Variants in LRFN5 observed in about 807,000 individuals in gnomAD.
The protein encoded by LRFN5 is leucine rich repeat and fibronectin type III domain containing 5, also known as leucine-rich repeat and fibronectin type-III domain-containing protein 5.
In LRFN5, 24 loss-of-function variants were observed where a neutral mutation model predicts 45.6. The observed-to-expected ratio is 0.53, with a 90% CI of 0.38 to 0.74. The LOEUF (loss-of-function observed/expected upper bound fraction) is 0.74, where lower values mean the gene tolerates loss of function less well. Ranked by LOEUF, LRFN5 falls within the 30% of genes least tolerant of loss-of-function variation. The pLI is 0.00. For missense variants in LRFN5, 776 were observed against 861.5 expected (o/e 0.90, Z 1.24); for synonymous variants, 340 against 313.8 (o/e 1.08, Z -0.88).
At chr14:41,663,850 CAT>C (rs1488980573) in intron 1 of LRFN5, among the ~76,000 whole-genome samples, 1 of 151,840 alleles carries the variant, frequency 6.6e-6, no homozygotes, top group African/African-American at 2.4e-5. Context: ...AAGATGAACT[CAT>C]ATAAAAATGA....
At chr14:41,896,463 A>G (rs972982486) in intron 4 of LRFN5, among the ~76,000 whole-genome samples, 1 of 152,166 alleles carries the variant, frequency 6.6e-6, no homozygotes. Flanking sequence ...ACTTCTGCAC[A>G]GAGGTGGATT....
At chr14:41,884,906 A>G (rs1313713459) in intron 2 of LRFN5, among the ~76,000 whole-genome samples, 1 of 152,216 alleles carries the variant, frequency 6.6e-6, no homozygotes, top group Non-Finnish European at 1.5e-5. Flanking sequence ...CTTTTACCCT[A>G]CAAAAGGCAT....
chr14:41,844,451 T>A lies in LRFN5; in HGVS notation c.-20-42155T>A, dbSNP rs553675247. On this transcript the variant is annotated intron_variant, in intron 2 of 5. Transcript: ENST00000298119. ...GACTCCGTCTCAAAAAAAAAAAAAATATGTATATTTATATGTATAATTTAC... is the reference window on the plus strand; with the variant it reads ...GACTCCGTCTCAAAAAAAAAAAAAAAATGTATATTTATATGTATAATTTAC... Among the ~76,000 whole-genome samples the A allele has an allele frequency of 6.4e-3, 848 of 133,086 alleles. 2 individuals carry two copies. The highest frequency in any genetic ancestry group is 0.019 in the African/African-American group (690 of 36,144). The allele number at this position is 133,086 out of a possible 152,430, so 87.3% of individuals were successfully genotyped here. A position where few individuals can be genotyped will look rare whatever the true frequency, so the allele number is the denominator to read the frequency against.
chr14:41,822,610 A>T (rs1386838864), intron 2 of LRFN5, among the ~76,000 whole-genome samples: 1 of 151,998 alleles, frequency 6.6e-6, no homozygotes, highest in Non-Finnish European at 1.5e-5. Flanking sequence ...GATGAGAAAA[A>T]TGTATATTCT....
At chr14:41,698,576 C>T (rs1882711212) in intron 1 of LRFN5, among the ~76,000 whole-genome samples, 1 of 151,982 alleles carries the variant, frequency 6.6e-6, no homozygotes. Context: ...AGGTGGTTCT[C>T]TTGTGCAGCC....
chr14:41,714,599 T>C (rs895788893), intron 1 of LRFN5, among the ~76,000 whole-genome samples: 7 of 152,290 alleles, frequency 4.6e-5, no homozygotes, highest in Middle Eastern at 3.4e-3. Context: ...ATTTTAGATT[T>C]TTTTAGTCAA....
chr14:41,725,142 A>G (rs1031628323), intron 1 of LRFN5, among the ~76,000 whole-genome samples: 1 of 152,110 alleles, frequency 6.6e-6, no homozygotes, highest in Non-Finnish European at 1.5e-5. Flanking sequence ...TCTCTCATTT[A>G]TGCTTTATTA....
At chr14:41,894,398 A>T in intron 4 of LRFN5, 2 of 872,518 alleles carry the variant, frequency 2.3e-6, no homozygotes, top group Non-Finnish European at 2.8e-6. Context: ...CATTGAAAAT[A>T]ATTTAATGTG....
At chr14:41,668,995 A>C (rs532141890) in intron 1 of LRFN5, among the ~76,000 whole-genome samples, 2 of 152,268 alleles carry the variant, frequency 1.3e-5, no homozygotes, top group South Asian at 4.1e-4. Context: ...AAGAAGAGAA[A>C]AAAAGTAGAA....
At chr14:41,627,097 ACT>A (rs1204684069) in intron 1 of LRFN5, among the ~76,000 whole-genome samples, 1 of 152,108 alleles carries the variant, frequency 6.6e-6, no homozygotes, top group East Asian at 1.9e-4. Context: ...TCACAGCAGA[ACT>A]CTAAGGAGGT....
chr14:41,609,056 T>C (rs1750686628), intron 1 of LRFN5, among the ~76,000 whole-genome samples: 1 of 152,200 alleles, frequency 6.6e-6, no homozygotes, highest in African/African-American at 2.4e-5. Flanking sequence ...TTTTAGTAGT[T>C]GTAAATTACG....
intron 2 of LRFN5, among the ~76,000 whole-genome samples, chr14:41,786,637 GA>G (rs1886731679): frequency 6.6e-6 from 1 of 150,956 alleles, no homozygotes. Flanking sequence ...TTGCATCAGT[GA>G]GGTTGTGATT....
intron 1 of LRFN5, among the ~76,000 whole-genome samples, chr14:41,670,116 T>C (rs1881102949): frequency 7.4e-6 from 1 of 134,270 alleles, no homozygotes; most frequent in African/African-American, 2.9e-5. Context: ...TATACATTCA[T>C]ATATATACAT....
intron 1 of LRFN5, among the ~76,000 whole-genome samples, chr14:41,675,486 G>A (rs371447021): frequency 3.3e-5 from 5 of 151,320 alleles, no homozygotes; most frequent in South Asian, 2.1e-4. Context: ...GCCTGCAATC[G>A]CAGGCACTCG....
chr14:41,790,348 G>A (rs4900086), intron 2 of LRFN5, among the ~76,000 whole-genome samples: 2,931 of 151,566 alleles, frequency 0.019, 49 homozygotes, highest in Admixed American at 0.028. Context: ...TACCAGTGAC[G>A]TATAAACTAT....
At chr14:41,706,945 C>T (rs928943256) in intron 1 of LRFN5, among the ~76,000 whole-genome samples, 8 of 152,058 alleles carry the variant, frequency 5.3e-5, no homozygotes, top group Non-Finnish European at 4.4e-5. Flanking sequence ...ACCTGATCCA[C>T]GAAAATGGGC....
chr14:41,682,045 T>C (rs1338487903), intron 1 of LRFN5, among the ~76,000 whole-genome samples: 1 of 150,660 alleles, frequency 6.6e-6, no homozygotes, highest in Non-Finnish European at 1.5e-5. Context: ...CTAGAACTCC[T>C]GACCTCAAGT....
At chr14:41,619,299 C>T (rs1182885164) in intron 1 of LRFN5, among the ~76,000 whole-genome samples, 2 of 151,566 alleles carry the variant, frequency 1.3e-5, no homozygotes, top group African/African-American at 4.9e-5. Context: ...AATTACTCTA[C>T]AGGTATTTGA....
chr14:41,895,094 C>G (rs1034318036), intron 4 of LRFN5: 1 of 975,968 alleles, frequency 1.0e-6, no homozygotes. Context: ...CATGTATTAA[C>G]GATGTTTACT....
Sources: allele counts gnomAD v4.1 joint callset (sites outside exome capture counted in the v4.1 genomes callset), GRCh38; gene constraint gnomAD v4.1.1; transcripts MANE v1.5; gene names NCBI Gene and HGNC (gene_info 2026-07-23, HGNC 2026-07-21).